The following CCDC68 variants were observed in gnomAD, a reference collection of about 807,000 sequenced individuals.
The protein encoded by CCDC68 is coiled-coil domain-containing protein 68.
A neutral mutation model predicts 47.1 loss-of-function variants in CCDC68; 45 were observed. That is an observed-to-expected ratio of 0.96 (90% CI 0.75 to 1.23). CCDC68 has a LOEUF of 1.23. CCDC68 is among the 50% of genes most tolerant of loss of function. The pLI is 0.00. For missense variants in CCDC68, 353 were observed against 373.6 expected, an observed-to-expected ratio of 0.94 and a Z score of 0.45; for synonymous variants, 131 against 129.5, an observed-to-expected ratio of 1.01 and a Z score of -0.08.
At chr18:54,939,462 C>G (rs2044401298) in intron 4 of CCDC68, among the ~76,000 whole-genome samples, 4 of 152,074 alleles carry the variant, frequency 2.6e-5, no homozygotes. Flanking sequence ...GCCTTTCTAA[C>G]AAGCTCCTGG....
At chr18:54,947,587 A>C (rs2044547997) in intron 1 of CCDC68, among the ~76,000 whole-genome samples, 1 of 152,234 alleles carries the variant, frequency 6.6e-6, no homozygotes, top group South Asian at 2.1e-4. Flanking sequence ...AACATTAATT[A>C]TTAACAATAA....
At chr18:54,926,990 A>C (rs776176222) in intron 8 of CCDC68, among the ~76,000 whole-genome samples, 1 of 152,228 alleles carries the variant, frequency 6.6e-6, no homozygotes, top group Non-Finnish European at 1.5e-5. Context: ...CCTTATTTTT[A>C]AGAAGACAAA....
chr18:54,908,783 C>T (rs1914162941), intron 10 of CCDC68, among the ~76,000 whole-genome samples: 1 of 152,070 alleles, frequency 6.6e-6, no homozygotes, highest in African/African-American at 2.4e-5. Context: ...AGTATCTCGG[C>T]TCACTTCAAC....
intron 10 of CCDC68, 52 bp downstream of exon 10, chr18:54,917,854 CACACACA>C: frequency 1.5e-5 from 13 of 886,866 alleles, no homozygotes; most frequent in Non-Finnish European, 2.4e-5. Flanking sequence ...CACACACACA[CACACACA>C]CACACACACT....
intron 4 of CCDC68, among the ~76,000 whole-genome samples, chr18:54,940,229 C>T (rs774523488): frequency 1.3e-5 from 2 of 152,166 alleles, no homozygotes; most frequent in Non-Finnish European, 2.9e-5. Flanking sequence ...CTACCCGCAG[C>T]TCCAGAATCA....
intron 10 of CCDC68, among the ~76,000 whole-genome samples, chr18:54,915,910 C>G (rs1415375646): frequency 6.6e-6 from 1 of 151,944 alleles, no homozygotes; most frequent in African/African-American, 2.4e-5. Flanking sequence ...GCCTAGGCGA[C>G]AGAGTGAGAT....
At chr18:54,941,141 TTC>T in intron 3 of CCDC68, 58 bp from the exon 4 acceptor site, 2 of 1,128,384 alleles carry the variant, frequency 1.8e-6, no homozygotes, top group Non-Finnish European at 2.7e-6. Flanking sequence ...AACGCTTTTT[TTC>T]TCAATACCAG....
At chr18:54,905,270 G>T (rs1051442672) in intron 11 of CCDC68, among the ~76,000 whole-genome samples, 2 of 146,842 alleles carry the variant, frequency 1.4e-5, no homozygotes, top group Non-Finnish European at 3.0e-5. Context: ...AAAACAAAGA[G>T]AATGAAAGGA....
intron 8 of CCDC68, among the ~76,000 whole-genome samples, chr18:54,925,486 CAGA>C (rs1418228479): frequency 6.6e-6 from 1 of 151,966 alleles, no homozygotes; most frequent in Non-Finnish European, 1.5e-5. Flanking sequence ...ATGAAAATTC[CAGA>C]AGAAGCCAAA....
At position 54,952,483 on chromosome 18, in the gene CCDC68, T is replaced by C. The variant is rs531674428; in HGVS notation, c.-103+6853A>G. ...CAGTTCTGGTGAGGATGTGGAACAG[T>C]TGGAACTCCTGTCTGTTGCTGATGG... On this transcript the variant is annotated intron_variant, in intron 1 of 11. Transcript: ENST00000591504. 2.2e-4 allele frequency among the ~76,000 whole-genome samples: 34 copies of C among 152,302 alleles called. No individual in the cohort carries two copies. In the South Asian group the frequency reaches 6.4e-3, roughly 29 times the overall value.
At chr18:54,910,348 A>T (rs4801111) in intron 10 of CCDC68, among the ~76,000 whole-genome samples, 93,424 of 151,922 alleles carry the variant, frequency 0.61, 29,651 homozygotes, top group East Asian at 0.99. Flanking sequence ...CTCAGTAGAG[A>T]GGAGGCCCTG....
intron 11 of CCDC68, among the ~76,000 whole-genome samples, chr18:54,906,799 C>T (rs1914035600): frequency 6.6e-6 from 1 of 152,130 alleles, no homozygotes; most frequent in Non-Finnish European, 1.5e-5. Flanking sequence ...GGCTAGTGGC[C>T]AAAAAGTTTC....
At chr18:54,940,676 C>T (rs934123393) in intron 4 of CCDC68, among the ~76,000 whole-genome samples, 8 of 152,206 alleles carry the variant, frequency 5.3e-5, no homozygotes, top group African/African-American at 1.7e-4. Context: ...TGTGTCTATT[C>T]ATGTGGCCCA....
At chr18:54,937,915 G>A (rs111233458) in intron 5 of CCDC68, 42 bp downstream of exon 5, 17 of 1,577,160 alleles carry the variant, frequency 1.1e-5, no homozygotes, top group Middle Eastern at 1.8e-4. Context: ...CTATTAGCTC[G>A]AAGGCTCAAA....
At chr18:54,942,140 G>T (rs976511977) in intron 3 of CCDC68, among the ~76,000 whole-genome samples, 1 of 152,186 alleles carries the variant, frequency 6.6e-6, no homozygotes, top group Non-Finnish European at 1.5e-5. Flanking sequence ...TCTGTTGTAA[G>T]AAACAGTTAA....
intron 1 of CCDC68, among the ~76,000 whole-genome samples, chr18:54,956,804 G>A (rs2044719469): frequency 6.6e-6 from 1 of 152,166 alleles, no homozygotes; most frequent in Admixed American, 6.5e-5. Context: ...GGGGAATGAT[G>A]AAGTGATCTA....
intron 8 of CCDC68, among the ~76,000 whole-genome samples, chr18:54,926,446 G>C (rs755609255): frequency 6.6e-6 from 1 of 152,154 alleles, no homozygotes; most frequent in African/African-American, 2.4e-5. Flanking sequence ...TGGGCTAACC[G>C]CCCCCATGGT....
rs139914840 is a variant in CCDC68 at position 54,933,168 on chromosome 18, G to A, written c.600+1652C>T. 3.3e-3 allele frequency among the ~76,000 whole-genome samples: 508 copies of A among 152,074 alleles called. 18 individuals carry two copies. The East Asian group carries it at 0.076, about 23-fold the overall frequency. Reference sequence around the variant, plus strand: ...GCAATCTCGGTTCACTGCAACCTCCGCCTCCTGGGTTCAAGCAATTCTCCT... The same window carrying A: ...GCAATCTCGGTTCACTGCAACCTCCACCTCCTGGGTTCAAGCAATTCTCCT... On this transcript the variant is annotated intron_variant, in intron 7 of 11. Transcript: ENST00000591504.
chr18:54,911,568 A>G (rs941682773), intron 10 of CCDC68, among the ~76,000 whole-genome samples: 1 of 152,158 alleles, frequency 6.6e-6, no homozygotes, highest in Non-Finnish European at 1.5e-5. Flanking sequence ...TCATCAATTG[A>G]TGGTGAAGAT....
Sources: allele counts gnomAD v4.1 joint callset (sites outside exome capture counted in the v4.1 genomes callset), GRCh38; gene constraint gnomAD v4.1.1; transcripts MANE v1.5; gene names NCBI Gene and HGNC (gene_info 2026-07-23, HGNC 2026-07-21).